Variants in MEI4 observed in about 807,000 individuals in gnomAD.
MEI4 encodes meiotic double-stranded break formation protein 4.
In MEI4, 27 loss-of-function variants were observed where a neutral mutation model predicts 31.4. That is an observed-to-expected ratio of 0.86 (90% CI 0.63 to 1.19). The LOEUF (loss-of-function observed/expected upper bound fraction) is 1.19. MEI4 is among the 50% of genes most tolerant of loss of function. MEI4 has a pLI of 0.00. For synonymous variants in MEI4, 122 were observed against 145.4 expected (o/e 0.84, Z 1.16); for missense variants, 329 against 398.9 (o/e 0.82, Z 1.49).
intron 2 of MEI4, among the ~76,000 whole-genome samples, chr6:77,738,785 A>G (rs1169147231): frequency 2.0e-5 from 3 of 152,154 alleles, no homozygotes; most frequent in Non-Finnish European, 4.4e-5. Flanking sequence ...TCTCCATTCT[A>G]ACTGGTGTGA....
In MEI4 at chr6:77,806,539, A is replaced by G. The variant is rs545343226; in HGVS notation, c.769-22392A>G. Among the ~76,000 whole-genome samples, 27 of 152,282 alleles carry G rather than the reference A, an allele frequency of 1.8e-4. No homozygotes were observed. In the South Asian group the frequency reaches 5.2e-3, roughly 29 times the overall value. On this transcript the variant is annotated intron_variant, in intron 3 of 4. Coordinates refer to ENST00000684080, the MANE Select transcript of MEI4 (RefSeq NM_001322247.2). The stretch of plus-strand genomic sequence containing the variant: ...ATAGAATATAGGGAAAGTTTTATAT[A>G]TAAAGGGATACTTGTTCTGGTTATT...
chr6:77,780,501 A>G (rs1330835198), intron 3 of MEI4, among the ~76,000 whole-genome samples: 1 of 152,150 alleles, frequency 6.6e-6, no homozygotes, highest in African/African-American at 2.4e-5. Flanking sequence ...TGAATATCGG[A>G]GTCTGAGTAT....
At chr6:77,716,221 T>A (rs1766579721) in intron 2 of MEI4, among the ~76,000 whole-genome samples, 1 of 152,186 alleles carries the variant, frequency 6.6e-6, no homozygotes, top group Admixed American at 6.5e-5. Flanking sequence ...GGGAATCAGA[T>A]CAGATATAGA....
At chr6:77,743,472 G>T (rs912077894) in intron 2 of MEI4, among the ~76,000 whole-genome samples, 3 of 152,116 alleles carry the variant, frequency 2.0e-5, no homozygotes, top group Non-Finnish European at 2.9e-5. Flanking sequence ...CATTGATTTT[G>T]TATCCTGAGA....
rs979014169 is a variant in MEI4, at chr6:77,847,403, A to G, written c.900+18341A>G. Among the ~76,000 whole-genome samples, 2 of 152,190 alleles carry G rather than the reference A, an allele frequency of 1.3e-5. No homozygotes were observed. The highest frequency in any genetic ancestry group is 4.8e-5 in the African/African-American group (2 of 41,460). ...ATTCTTCCTTTTTTCCATAAGCATG[A>G]GAATGTATTGCTGCAGTTTTAATGG... On this transcript the variant is annotated intron_variant, in intron 4 of 4. Transcript: ENST00000684080. The surrounding 1 kb of genome is among the most constrained non-coding windows in gnomAD (Gnocchi z 4.6).
At chr6:77,816,299 A>G (rs551134913) in intron 3 of MEI4, among the ~76,000 whole-genome samples, 2 of 152,136 alleles carry the variant, frequency 1.3e-5, no homozygotes, top group Non-Finnish European at 2.9e-5. Flanking sequence ...TTTTAAAACT[A>G]CTTACCTGTC....
intron 4 of MEI4, among the ~76,000 whole-genome samples, chr6:77,888,605 G>A (rs1300947629): frequency 6.6e-6 from 1 of 151,942 alleles, no homozygotes; most frequent in Non-Finnish European, 1.5e-5. Flanking sequence ...TAACTAATGG[G>A]CATAATATTC....
chr6:77,766,436 C>T (rs538588421), intron 3 of MEI4, among the ~76,000 whole-genome samples: 5 of 151,924 alleles, frequency 3.3e-5, no homozygotes, highest in East Asian at 1.9e-4. Context: ...TTTTTTGAGA[C>T]GGAGTCTCTC....
intron 2 of MEI4, among the ~76,000 whole-genome samples, chr6:77,743,817 C>A (rs887753063): frequency 6.6e-6 from 1 of 152,188 alleles, no homozygotes; most frequent in Non-Finnish European, 1.5e-5. Context: ...TCACAAAAAT[C>A]TGCTGTTATG....
At chr6:77,850,992 T>G (rs1446369334) in intron 4 of MEI4, among the ~76,000 whole-genome samples, 1 of 152,150 alleles carries the variant, frequency 6.6e-6, no homozygotes, top group Non-Finnish European at 1.5e-5. Context: ...GAACAGACAC[T>G]TCTCAAAAGA....
intron 4 of MEI4, among the ~76,000 whole-genome samples, chr6:77,852,801 C>T (rs1215527010): frequency 1.3e-5 from 2 of 151,918 alleles, no homozygotes; most frequent in African/African-American, 4.8e-5. Flanking sequence ...GGCCCCATGT[C>T]CTAATTCCAT....
intron 2 of MEI4, among the ~76,000 whole-genome samples, chr6:77,735,989 G>A (rs545021074): frequency 5.3e-4 from 80 of 152,100 alleles, no homozygotes; most frequent in Middle Eastern, 6.8e-3. Flanking sequence ...CAGTCTGCCC[G>A]TTCTCAGATC....
At chr6:77,669,219 A>ACG (rs1768692874) in intron 1 of MEI4, among the ~76,000 whole-genome samples, 1 of 151,036 alleles carries the variant, frequency 6.6e-6, no homozygotes, top group African/African-American at 2.4e-5. Context: ...AAGAGGAAGC[A>ACG]TGTGTGTGTG....
At chr6:77,919,023 A>G (rs950803322) in intron 4 of MEI4, among the ~76,000 whole-genome samples, 1 of 151,998 alleles carries the variant, frequency 6.6e-6, no homozygotes, top group Non-Finnish European at 1.5e-5. Flanking sequence ...ATACAAAGAG[A>G]CTTAGACTCC....
At chr6:77,788,565 C>CA (rs1768816382) in intron 3 of MEI4, among the ~76,000 whole-genome samples, 1 of 152,064 alleles carries the variant, frequency 6.6e-6, no homozygotes, top group Admixed American at 6.5e-5. Context: ...TCTCAGGATA[C>CA]AAAATCAATG....
intron 3 of MEI4, among the ~76,000 whole-genome samples, chr6:77,806,233 G>A (rs1411478345): frequency 6.6e-6 from 1 of 152,062 alleles, no homozygotes; most frequent in Non-Finnish European, 1.5e-5. Context: ...AAATAAATAA[G>A]GTTTGATTTA....
intron 2 of MEI4, among the ~76,000 whole-genome samples, chr6:77,697,564 T>C (rs9352511): frequency 0.14 from 20,961 of 152,184 alleles, 1,529 homozygotes; most frequent in Middle Eastern, 0.21. Context: ...AGTTTCCATG[T>C]AGTTGAGTGG....
In MEI4 at chr6:77,883,745, A is replaced by ATATATATATATCTAT. The variant is rs55947073; in HGVS notation, c.901-39344_901-39343insTATATATATATCTAT. Among the ~76,000 whole-genome samples the ATATATATATATCTAT allele has an allele frequency of 2.9e-4, 24 of 82,308 alleles. 1 individual carries two copies. The highest frequency in any genetic ancestry group is 2.2e-3 in the South Asian group (6 of 2,744). The allele number at this position is 82,308 out of a possible 152,430, so 54.0% of individuals were successfully genotyped here. On this transcript the variant is annotated intron_variant, in intron 4 of 4. Transcript: ENST00000684080. ...ATATATATATATATATATATATATA[A>ATATATATATATCTAT]CTTTGTCTTTGTCTATTCATTTATT...
At chr6:77,669,287 TGAA>T (rs1768694486) in intron 1 of MEI4, among the ~76,000 whole-genome samples, 1 of 152,182 alleles carries the variant, frequency 6.6e-6, no homozygotes, top group Non-Finnish European at 1.5e-5. Context: ...AAAACACAGA[TGAA>T]GATTGTTAAA....
Sources: allele counts gnomAD v4.1 joint callset (sites outside exome capture counted in the v4.1 genomes callset), GRCh38; gene constraint gnomAD v4.1.1; non-coding constraint Gnocchi (gnomAD v3.1); transcripts MANE v1.5; gene names NCBI Gene and HGNC (gene_info 2026-07-23, HGNC 2026-07-21).